SPECC1: variants seen among roughly 807,000 people sequenced by gnomAD.
The protein encoded by SPECC1 is cytospin-B.
A neutral mutation model predicts 104.1 loss-of-function variants in SPECC1; 62 were observed. The ratio of observed to expected loss-of-function variants is 0.60; its 90% CI spans 0.49 to 0.74. The LOEUF is 0.74. SPECC1 is among the 30% of genes least tolerant of loss of function. The probability of loss-of-function intolerance (pLI) is 0.00; values close to 1 mark genes in which losing one functional copy is unlikely to be tolerated. For synonymous variants in SPECC1, 513 were observed against 501.6 expected (o/e 1.02, Z -0.30); for missense variants, 1,306 against 1,310.5 (o/e 1.00, Z 0.05).
rs1051848881 is a variant in SPECC1 at position 20,315,071 on chromosome 17, A to C, written c.*1006A>C. On this transcript the variant is annotated 3_prime_UTR_variant, in exon 15 of 15. Coordinates refer to ENST00000395527, the MANE Select transcript of SPECC1 (RefSeq NM_001243439.2). ...CCCGTTCACATCCACACAGGCTTGT[A>C]CCCCACAGAACTTGACAGGAGGTCA... is the stretch of plus-strand genomic sequence containing the variant. The C allele has an allele frequency of 8.6e-6, 2 of 232,728 alleles. No individual in the cohort carries two copies. The highest frequency in any genetic ancestry group is 1.7e-5 in the Non-Finnish European group (2 of 117,822). 14.4% of individuals were successfully genotyped at this position (232,728 alleles called of 1,614,324 possible). A position where few individuals can be genotyped will look rare whatever the true frequency, so the allele number is the denominator to read the frequency against.
At chr17:20,087,752 A>C (rs1375793041) in intron 1 of SPECC1, among the ~76,000 whole-genome samples, 3 of 152,260 alleles carry the variant, frequency 2.0e-5, no homozygotes, top group African/African-American at 7.2e-5. Flanking sequence ...CTAGTAGCAC[A>C]GGAAGGCAGA....
At chr17:20,159,820 A>C (rs953763851) in intron 3 of SPECC1, among the ~76,000 whole-genome samples, 3 of 152,194 alleles carry the variant, frequency 2.0e-5, no homozygotes, top group African/African-American at 7.2e-5. Context: ...TTCAGTTTCC[A>C]ACCAGGTTGT....
At chr17:20,171,680 T>C (rs556884597) in intron 3 of SPECC1, among the ~76,000 whole-genome samples, 1 of 152,238 alleles carries the variant, frequency 6.6e-6, no homozygotes, top group Admixed American at 6.5e-5. Flanking sequence ...CTCGGGTAGC[T>C]AGGACCACAG....
intron 1 of SPECC1, among the ~76,000 whole-genome samples, chr17:20,077,763 A>T (rs1275427646): frequency 6.6e-6 from 1 of 152,112 alleles, no homozygotes; most frequent in Non-Finnish European, 1.5e-5. Context: ...CACCGCACCT[A>T]GCCTGTTGCT....
intron 3 of SPECC1, among the ~76,000 whole-genome samples, chr17:20,201,911 T>A (rs951578755): frequency 6.6e-6 from 1 of 152,002 alleles, no homozygotes; most frequent in African/African-American, 2.4e-5. Context: ...TTGAAAAAAA[T>A]TCAGATGAAC....
chr17:20,065,503 A>AGT (rs1316824904), intron 1 of SPECC1, among the ~76,000 whole-genome samples: 2 of 152,266 alleles, frequency 1.3e-5, no homozygotes, highest in African/African-American at 4.8e-5. Flanking sequence ...GATGAAGAGA[A>AGT]GTGTAGGACA....
At chr17:20,295,770 G>T (rs2041329778) in intron 12 of SPECC1, among the ~76,000 whole-genome samples, 1 of 152,346 alleles carries the variant, frequency 6.6e-6, no homozygotes. Context: ...CTGATGGCCA[G>T]TGATGATGAG....
Position 20,299,145 on chromosome 17 carries a change from G to C in SPECC1, c.3057+2068G>C, listed in dbSNP as rs1036780468. ...CCAATGTGAAGGCCATTTGCTGGTGGAATTCCCTCTTCTTCAGTGAGGTTA... is the reference window on the plus strand; with the variant it reads ...CCAATGTGAAGGCCATTTGCTGGTGCAATTCCCTCTTCTTCAGTGAGGTTA... On this transcript the variant is annotated intron_variant, in intron 13 of 14. Coordinates refer to ENST00000395527, the MANE Select transcript of SPECC1 (RefSeq NM_001243439.2). Among the ~76,000 whole-genome samples, 6 of 152,044 alleles carry C rather than the reference G, an allele frequency of 3.9e-5. No homozygotes were observed. The South Asian group carries it at 1.3e-3, about 32-fold the overall frequency.
chr17:20,142,049 A>G (rs1235019936), intron 3 of SPECC1, among the ~76,000 whole-genome samples: 1 of 152,238 alleles, frequency 6.6e-6, no homozygotes, highest in Admixed American at 6.5e-5. Flanking sequence ...TTGTAGTGTC[A>G]TGTACAAACC....
chr17:20,139,723 A>G (rs7219908), intron 3 of SPECC1, among the ~76,000 whole-genome samples: 86,115 of 152,014 alleles, frequency 0.57, 24,988 homozygotes, highest in Middle Eastern at 0.61. Context: ...CTCCCAGGCT[A>G]GGGTGCAATT....
chr17:20,259,742 G>A (rs1033395492), intron 11 of SPECC1, among the ~76,000 whole-genome samples: 1 of 151,942 alleles, frequency 6.6e-6, no homozygotes, highest in Non-Finnish European at 1.5e-5. Flanking sequence ...GAACTCTTGG[G>A]CTCAAGAGAT....
chr17:20,276,696 G>T (rs913186123), intron 12 of SPECC1, among the ~76,000 whole-genome samples: 6 of 152,184 alleles, frequency 3.9e-5, no homozygotes, highest in Non-Finnish European at 8.8e-5. Context: ...AGACTCTGAG[G>T]GGTAACCACA....
At chr17:20,286,507 C>G (rs537480137) in intron 12 of SPECC1, among the ~76,000 whole-genome samples, 26 of 152,314 alleles carry the variant, frequency 1.7e-4, no homozygotes, top group African/African-American at 6.3e-4. Flanking sequence ...TCACCCCTCT[C>G]TACTTTAAGG....
At chr17:20,274,493 T>C (rs2040509501) in intron 12 of SPECC1, among the ~76,000 whole-genome samples, 1 of 151,444 alleles carries the variant, frequency 6.6e-6, no homozygotes, top group African/African-American at 2.4e-5. Flanking sequence ...TTTTGTTTCC[T>C]TTTTTTCTTT....
chr17:20,032,804 C>T (rs2044872259), intron 1 of SPECC1, among the ~76,000 whole-genome samples: 1 of 151,930 alleles, frequency 6.6e-6, no homozygotes, highest in Non-Finnish European at 1.5e-5. Context: ...TTGTCTACTT[C>T]CCCCGTGATA....
chr17:20,213,247 A>G (rs1218954768), intron 4 of SPECC1, among the ~76,000 whole-genome samples: 5 of 152,044 alleles, frequency 3.3e-5, no homozygotes. Context: ...ACAGGTGTGC[A>G]ACACTATGCC....
At chr17:20,085,227 C>T (rs745698095) in intron 1 of SPECC1, among the ~76,000 whole-genome samples, 3 of 152,166 alleles carry the variant, frequency 2.0e-5, no homozygotes, top group Non-Finnish European at 4.4e-5. Flanking sequence ...GTGCCTTATC[C>T]TCCAACAAAG....
intron 13 of SPECC1, among the ~76,000 whole-genome samples, chr17:20,301,869 C>T (rs1246951812): frequency 6.6e-6 from 1 of 152,098 alleles, no homozygotes; most frequent in Non-Finnish European, 1.5e-5. Flanking sequence ...CTACACCTGG[C>T]TAGTTTTTAT....
intron 14 of SPECC1, among the ~76,000 whole-genome samples, chr17:20,310,684 G>A (rs891053116): frequency 8.5e-5 from 13 of 152,330 alleles, no homozygotes; most frequent in Middle Eastern, 3.4e-3. Flanking sequence ...TGCTCACTGA[G>A]TGCCAGCATG....
Sources: gnomAD v4.1 joint callset for allele counts (sites outside exome capture counted in the v4.1 genomes callset) on GRCh38, gnomAD v4.1.1 for gene constraint, MANE v1.5 for transcripts, NCBI Gene and HGNC (gene_info 2026-07-23, HGNC 2026-07-21) for gene names.